Variants in FHIT observed in about 807,000 individuals in gnomAD.
FHIT encodes fragile histidine triad diadenosine triphosphatase, also known as bis(5'-adenosyl)-triphosphatase.
Under a neutral mutation model 17.9 loss-of-function variants are expected in FHIT, and 19 were observed. That is an observed-to-expected ratio of 1.06 (90% confidence interval 0.74 to 1.56). The LOEUF (loss-of-function observed/expected upper bound fraction) is 1.56. FHIT is among the 40% of genes most tolerant of loss of function. FHIT has a pLI of 0.00. For synonymous variants in FHIT, 81 were observed against 69.7 expected (o/e 1.16, Z -0.81); for missense variants, 248 against 189.2 (o/e 1.31, Z -1.82).
intron 5 of FHIT, among the ~76,000 whole-genome samples, chr3:60,395,987 A>C (rs1701424859): frequency 6.6e-6 from 1 of 152,112 alleles, no homozygotes; most frequent in Non-Finnish European, 1.5e-5. Context: ...AACAATGGCT[A>C]CAAACACCAC....
intron 4 of FHIT, among the ~76,000 whole-genome samples, chr3:60,545,196 C>A (rs1482857818): frequency 6.6e-6 from 1 of 151,524 alleles, no homozygotes; most frequent in Admixed American, 6.6e-5. Flanking sequence ...AAAATATAAT[C>A]TGTAATTATC....
At chr3:60,915,687 G>A (rs1706960197) in intron 3 of FHIT, among the ~76,000 whole-genome samples, 1 of 152,080 alleles carries the variant, frequency 6.6e-6, no homozygotes, top group African/African-American at 2.4e-5. Context: ...CTCATAAAAG[G>A]TGTTCTAAAA....
At chr3:60,614,001 G>T (rs1481597701) in intron 4 of FHIT, among the ~76,000 whole-genome samples, 1 of 152,050 alleles carries the variant, frequency 6.6e-6, no homozygotes, top group Non-Finnish European at 1.5e-5. Flanking sequence ...AATCAACAGA[G>T]CAGAGAACAG....
rs565451694 is a variant in FHIT, at chr3:60,619,343, TA to T, written c.-17-82365del. Among the ~76,000 whole-genome samples the T allele has an allele frequency of 5.6e-3, 853 of 151,990 alleles. 3 individuals are homozygous for T. The highest frequency in any genetic ancestry group is 0.01 in the Non-Finnish European group (685 of 68,006). On this transcript the variant is annotated intron_variant, in intron 4 of 9. Coordinates refer to ENST00000492590, the MANE Select transcript of FHIT (RefSeq NM_002012.4). Reference sequence around the variant, plus strand: ...AAAGAAAATGAAAATCCCAGCAACCTATTTTTTGTGGATATTAACAAACTGA... The same window carrying T: ...AAAGAAAATGAAAATCCCAGCAACCTTTTTTTGTGGATATTAACAAACTGA...
At chr3:60,894,830 C>G (rs1321224315) in intron 3 of FHIT, among the ~76,000 whole-genome samples, 4 of 152,158 alleles carry the variant, frequency 2.6e-5, no homozygotes, top group African/African-American at 4.8e-5. Context: ...TGCTTTATCT[C>G]TTCCTCCTCC....
chr3:60,179,292 G>C (rs1200894692), intron 5 of FHIT, among the ~76,000 whole-genome samples: 3 of 152,146 alleles, frequency 2.0e-5, no homozygotes, highest in Non-Finnish European at 4.4e-5. Context: ...GTTAAGAGAC[G>C]GCAGGGCAGG....
chr3:60,490,706 C>T (rs1013311683), intron 5 of FHIT, among the ~76,000 whole-genome samples: 3 of 151,210 alleles, frequency 2.0e-5, no homozygotes, highest in Non-Finnish European at 2.9e-5. Context: ...TTCAGTTTCA[C>T]GTCTTCTGTC....
At chr3:60,986,007 C>T (rs745494171) in intron 3 of FHIT, among the ~76,000 whole-genome samples, 10 of 152,218 alleles carry the variant, frequency 6.6e-5, no homozygotes, top group Non-Finnish European at 1.2e-4. Context: ...ACTACTAACG[C>T]TTACCTCCTG....
chr3:60,751,649 G>A (rs2042468899), intron 4 of FHIT, among the ~76,000 whole-genome samples: 1 of 152,128 alleles, frequency 6.6e-6, no homozygotes, highest in African/African-American at 2.4e-5. Flanking sequence ...TTAAGGAATT[G>A]GAGATGCTCA....
At chr3:60,625,438 T>C (rs1231850071) in intron 4 of FHIT, among the ~76,000 whole-genome samples, 1 of 152,176 alleles carries the variant, frequency 6.6e-6, no homozygotes, top group Non-Finnish European at 1.5e-5. Flanking sequence ...TATGTCTTCT[T>C]TTCAATTATA....
At chr3:59,877,315 C>T (rs75431325) in intron 8 of FHIT, among the ~76,000 whole-genome samples, 1,732 of 152,198 alleles carry the variant, frequency 0.011, 22 homozygotes, top group South Asian at 0.021. Flanking sequence ...TTCCTAAAGC[C>T]ATTGAAAAAT....
intron 4 of FHIT, among the ~76,000 whole-genome samples, chr3:60,797,124 G>A (rs549684220): frequency 1.3e-5 from 2 of 152,190 alleles, no homozygotes; most frequent in Non-Finnish European, 2.9e-5. Context: ...TAAGTGAAGT[G>A]ATTAGAAAAC....
intron 4 of FHIT, among the ~76,000 whole-genome samples, chr3:60,798,752 C>CTTTTT (rs35159710): frequency 0.017 from 1,758 of 105,410 alleles, 52 homozygotes; most frequent in Non-Finnish European, 0.026. Context: ...ACTGCAATAG[C>CTTTTT]TTTTTTTTTT....
chr3:60,408,049 A>G (rs771239214), intron 5 of FHIT, among the ~76,000 whole-genome samples: 1 of 152,186 alleles, frequency 6.6e-6, no homozygotes, highest in African/African-American at 2.4e-5. Flanking sequence ...AAGCTATCTG[A>G]GAAAATTTTC....
chr3:60,113,743 T>A (rs887693687), intron 5 of FHIT, among the ~76,000 whole-genome samples: 1 of 151,210 alleles, frequency 6.6e-6, no homozygotes, highest in African/African-American at 2.4e-5. Flanking sequence ...GGCTCACACC[T>A]GTTATCCCAG....
chr3:60,671,301 G>C (rs189299221), intron 4 of FHIT, among the ~76,000 whole-genome samples: 1 of 152,116 alleles, frequency 6.6e-6, no homozygotes, highest in Non-Finnish European at 1.5e-5. Flanking sequence ...AAATTATTTG[G>C]TCAAATGAGG....
chr3:60,968,460 C>G (rs1394198080), intron 3 of FHIT, among the ~76,000 whole-genome samples: 1 of 148,886 alleles, frequency 6.7e-6, no homozygotes, highest in African/African-American at 2.5e-5. Flanking sequence ...CTCTGTCACT[C>G]AGGCTGGAGT....
At chr3:60,800,904 A>T (rs1553731988) in intron 4 of FHIT, among the ~76,000 whole-genome samples, 1 of 152,154 alleles carries the variant, frequency 6.6e-6, no homozygotes, top group African/African-American at 2.4e-5. Flanking sequence ...CCCTCAATAG[A>T]GGGTTAATTC....
chr3:60,971,605 T>C (rs1229263767), intron 3 of FHIT, among the ~76,000 whole-genome samples: 3 of 152,118 alleles, frequency 2.0e-5, no homozygotes, highest in Non-Finnish European at 4.4e-5. Context: ...TGATGTTTTT[T>C]CCCCCATGGG....
Sources: allele counts gnomAD v4.1 joint callset (sites outside exome capture counted in the v4.1 genomes callset), GRCh38; gene constraint gnomAD v4.1.1; transcripts MANE v1.5; gene names NCBI Gene and HGNC (gene_info 2026-07-23, HGNC 2026-07-21).